Variants in XRCC1 observed in about 807,000 individuals in gnomAD.
XRCC1 encodes X-ray repair cross complementing 1, also known as DNA repair protein XRCC1.
In XRCC1, 52 loss-of-function variants were observed where a neutral mutation model predicts 83.3. That is an observed-to-expected ratio of 0.62 (90% CI 0.50 to 0.79). The LOEUF is 0.79. XRCC1 is among the 30% of genes least tolerant of loss of function. The pLI is 0.00. For missense variants in XRCC1, 793 were observed against 823.5 expected, an observed-to-expected ratio of 0.96 and a Z score of 0.45; for synonymous variants, 281 against 312.6, an observed-to-expected ratio of 0.90 and a Z score of 1.07.
chr19:43,573,873 T>C (rs1037951688), intron 2 of XRCC1, among the ~76,000 whole-genome samples: 3 of 152,074 alleles, frequency 2.0e-5, no homozygotes, highest in African/African-American at 7.2e-5. Flanking sequence ...AGTGAGACTC[T>C]GTCTCAACAG....
intron 3 of XRCC1, among the ~76,000 whole-genome samples, chr19:43,560,091 T>C (rs761359623): frequency 7.0e-6 from 1 of 142,830 alleles, no homozygotes; most frequent in Non-Finnish European, 1.5e-5. Flanking sequence ...CAAAAAAAAA[T>C]GAACAAAAGA....
chr19:43,552,237 G>C lies in XRCC1; in HGVS notation c.862C>G (p.Pro288Ala). The C allele has an allele frequency of 6.2e-7, 1 of 1,612,488 alleles. No homozygotes were observed. Among genetic ancestry groups the C allele is most frequent in the Non-Finnish European group, 8.5e-7 (1 of 1,179,494 alleles). ...PTRTPATAPV[P>A]ARAQGAVTGK... ...GTCACTGCCCCCTGTGCTCGGGCAGGGACTGGGGCTGTGGCTGGGGTACGA... is the reference window on the plus strand; with the variant it reads ...GTCACTGCCCCCTGTGCTCGGGCAGCGACTGGGGCTGTGGCTGGGGTACGA... Residue 288 changes from proline (P) to alanine (A), a missense_variant, in exon 9 of 17, where the codon CCT becomes GCT. By Grantham distance (27) the Pro-to-Ala change is conservative. Transcript: ENST00000262887.
At position 43,545,803 on chromosome 19, in the gene XRCC1, G is replaced by C. The variant is rs201418893; in HGVS notation, c.1621+15C>G. ...GAGAAAATGCCACTTCAGGAGGGAT[G>C]GGGGGATTTCCCACCTGGGAGCTCA... On this transcript the variant is annotated intron_variant, in intron 14 of 16. Coordinates refer to ENST00000262887, the MANE Select transcript of XRCC1 (RefSeq NM_006297.3). The C allele has an allele frequency of 1.1e-4, 180 of 1,612,924 alleles. No homozygotes were observed. The highest frequency in any genetic ancestry group is 6.6e-4 in the Middle Eastern group (4 of 6,046).
chr19:43,546,614 GTCTATATCT>G lies in XRCC1; in HGVS notation c.1398_1406del (p.Glu466_Ile468del). 1 of 1,611,054 alleles carries G rather than the reference GTCTATATCT, an allele frequency of 6.2e-7. No individual in the cohort carries two copies. On this transcript the variant is annotated inframe_deletion, in exon 12 of 17. Transcript: ENST00000262887. ...TCTGACCTGACTGTACCCCCTCAAT[GTCTATATCT>G]TCCTGGAGCACTGGTGAGGCTGCTT...
In XRCC1 at chr19:43,543,402, G is replaced by A. The variant is rs201967712; in HGVS notation, c.1892C>T (p.Pro631Leu). Residue 631 changes from proline (P) to leucine (L), a missense_variant, in exon 17 of 17, where the codon CCG becomes CTG. Physicochemically the swap from Pro to Leu is moderately conservative, Grantham distance 98 (BLOSUM62 -3). Coordinates refer to ENST00000262887, the MANE Select transcript of XRCC1 (RefSeq NM_006297.3). ...TGTATAGCACATACTTCAGGCTTGC[G>A]GCACCACCCCATAGAGCTGGTGAGG... ...LLPHQLYGVVPQA is the reference protein window; with the variant it reads ...LLPHQLYGVVLQA 2.0e-4 allele frequency: 316 copies of A among 1,606,312 alleles called. No homozygotes were observed. Among genetic ancestry groups the A allele is most frequent in the Admixed American group, 1.3e-3 (75 of 59,600 alleles).
intron 2 of XRCC1, 45 bp downstream of exon 2, chr19:43,574,865 G>A (rs1446656268): frequency 6.5e-7 from 1 of 1,527,402 alleles, no homozygotes; most frequent in Non-Finnish European, 9.1e-7. Flanking sequence ...CTGGAACCCC[G>A]GACTCCAGAC....
At chr19:43,572,021 C>T (rs1972810716) in intron 2 of XRCC1, among the ~76,000 whole-genome samples, 1 of 152,176 alleles carries the variant, frequency 6.6e-6, no homozygotes, top group Non-Finnish European at 1.5e-5. Context: ...TAGAATGTCC[C>T]AAAGTCACAT....
At chr19:43,568,256 G>T (rs966354553) in intron 2 of XRCC1, among the ~76,000 whole-genome samples, 1 of 152,166 alleles carries the variant, frequency 6.6e-6, no homozygotes, top group African/African-American at 2.4e-5. Context: ...CAACACTTTG[G>T]GAGGCCAAGG....
intron 14 of XRCC1, among the ~76,000 whole-genome samples, chr19:43,544,835 C>T (rs1036162445): frequency 6.8e-5 from 9 of 131,908 alleles, no homozygotes; most frequent in South Asian, 2.7e-4. Flanking sequence ...TTTGTAAAGG[C>T]GGGGGTCGGG....
chr19:43,554,992 C>T (rs1972621544), intron 3 of XRCC1, 188 bp from the exon 4 acceptor site: 2 of 500,140 alleles, frequency 4.0e-6, no homozygotes, highest in Non-Finnish European at 6.9e-6. Flanking sequence ...GACACAGGCC[C>T]CAGAGGGATC....
chr19:43,568,209 G>A (rs572057332), intron 2 of XRCC1, among the ~76,000 whole-genome samples: 1 of 151,930 alleles, frequency 6.6e-6, no homozygotes, highest in East Asian at 2.0e-4. Context: ...AAAAGAATAA[G>A]GTAGGCTGCG....
chr19:43,545,161 C>G (rs3213395), intron 14 of XRCC1, among the ~76,000 whole-genome samples: 1 of 152,062 alleles, frequency 6.6e-6, no homozygotes, highest in East Asian at 1.9e-4. Flanking sequence ...CCATCACCCA[C>G]GAGGAACTGG....
rs368911719 is a variant in XRCC1, at chr19:43,554,661, G to A, written c.399C>T (p.Ser133=). 2.5e-6 allele frequency: 4 copies of A among 1,612,294 alleles called. No individual in the cohort carries two copies. The Admixed American group carries it at 6.7e-5, about 27-fold the overall frequency. Residue 133 remains serine (S), a synonymous_variant, in exon 4 of 17, where the codon AGC becomes AGT. Transcript: ENST00000262887. ...KRWDRVKIVC[S]QPYSKDSPFG... ...CCCTAGGTACCTTGCTGTAGGGCTG[G>A]CTGCAAACAATTTTGACCCGGTCCC...
In XRCC1 at chr19:43,554,774, G is replaced by T; in HGVS notation, c.286C>A (p.Pro96Thr). The T allele has an allele frequency of 6.2e-7, 1 of 1,613,312 alleles. No homozygotes were observed. The highest frequency in any genetic ancestry group is 8.5e-7 in the Non-Finnish European group (1 of 1,179,416). Residue 96 changes from proline (P) to threonine (T), a missense_variant, in exon 4 of 17, where the codon CCT becomes ACT. Transcript: ENST00000262887. ...VLLVTSSFMS[P>T]SESRSGSNPN... ...TTTGAGCCACTGCGGCTCTCGGAAG[G>T]GGACATGAAAGATGAGGTGACCAGA...
intron 2 of XRCC1, among the ~76,000 whole-genome samples, chr19:43,568,126 G>A (rs1018915554): frequency 3.3e-5 from 5 of 151,754 alleles, no homozygotes; most frequent in African/African-American, 4.8e-5. Flanking sequence ...ACCTGCCTCA[G>A]CCTCCCAAAG....
At chr19:43,575,367 T>C in intron 1 of XRCC1, 41 bp downstream of exon 1, 1 of 1,564,350 alleles carries the variant, frequency 6.4e-7, no homozygotes, top group Non-Finnish European at 8.7e-7. Flanking sequence ...TCCTCATTAA[T>C]TCCCTCACGT....
In XRCC1 at chr19:43,551,721, G is replaced by A. The variant is rs768231066; in HGVS notation, c.1083-34C>T. 5.1e-6 allele frequency: 8 copies of A among 1,553,574 alleles called. No individual in the cohort carries two copies. In the Admixed American group the frequency reaches 1.0e-4, roughly 19 times the overall value. ...GGGCAGAAGTGAAGATGCCAGTTAG[G>A]TGTGATCTGAGGGGCAAAGGGGAAC... On this transcript the variant is annotated intron_variant, in intron 9 of 16. Coordinates refer to ENST00000262887, the MANE Select transcript of XRCC1 (RefSeq NM_006297.3).
rs1174339262 is a variant in XRCC1 at position 43,575,399 on chromosome 19, G to C, written c.51+9C>G. ...ACGTCTTCCAACCTCCCCCATGCAG[G>C]TCCCTCACCGAGTCCTGGCTGCTGC... On this transcript the variant is annotated intron_variant, in intron 1 of 16. Coordinates refer to ENST00000262887, the MANE Select transcript of XRCC1 (RefSeq NM_006297.3). 1 of 1,599,802 alleles carries C rather than the reference G, an allele frequency of 6.3e-7. No homozygotes were observed. The highest frequency in any genetic ancestry group is 8.5e-7 in the Non-Finnish European group (1 of 1,170,470).
chr19:43,553,915 T>C (rs1485146392), intron 4 of XRCC1: 6 of 464,536 alleles, frequency 1.3e-5, no homozygotes, highest in Non-Finnish European at 1.5e-5. Context: ...CTTTGGGCAA[T>C]TGGCAGAGTC....
Sources: allele counts gnomAD v4.1 joint callset (sites outside exome capture counted in the v4.1 genomes callset), GRCh38; gene constraint gnomAD v4.1.1; transcripts MANE v1.5; gene names NCBI Gene and HGNC (gene_info 2026-07-23, HGNC 2026-07-21).